Variants in AFDN observed in about 807,000 individuals in gnomAD.
AFDN encodes the protein afadin.
Under a neutral mutation model 216.6 loss-of-function variants are expected in AFDN, and 68 were observed. The ratio of observed to expected loss-of-function variants is 0.31; its 90% CI spans 0.26 to 0.38. The LOEUF (loss-of-function observed/expected upper bound fraction) is 0.38, where lower values mean the gene tolerates loss of function less well. Ranked by LOEUF, AFDN falls within the 10% of genes least tolerant of loss-of-function variation. AFDN has a pLI of 1.00. For synonymous variants in AFDN, 868 were observed against 853.7 expected, an observed-to-expected ratio of 1.02 and a Z score of -0.29; for missense variants, 2,136 against 2,342.0, an observed-to-expected ratio of 0.91 and a Z score of 1.82.
chr6:167,959,063 C>T (rs962278147), intron 30 of AFDN, among the ~76,000 whole-genome samples: 37 of 152,212 alleles, frequency 2.4e-4, no homozygotes, highest in African/African-American at 8.4e-4. Context: ...TGTATGATTG[C>T]GTAAAACAGT....
rs1795012072 is a variant in AFDN, at chr6:167,944,192, C to CT, written c.3358+135dup. ...GAGAAAGAAATTGAGGATGAGAGCG[C>CT]TTCAGCATAGTGCCTGGGATTCCCA... On this transcript the variant is annotated intron_variant, in intron 26 of 33. Coordinates refer to ENST00000683244, the MANE Select transcript of AFDN (RefSeq NM_001386888.1). The CT allele has an allele frequency of 1.2e-5, 8 of 674,946 alleles. No individual in the cohort carries two copies. In the East Asian group the frequency reaches 2.2e-4, roughly 19 times the overall value. 41.8% of individuals were successfully genotyped at this position (674,946 alleles called of 1,614,324 possible).
intron 2 of AFDN, among the ~76,000 whole-genome samples, chr6:167,866,103 C>G (rs924094910): frequency 2.0e-5 from 3 of 152,148 alleles, no homozygotes; most frequent in African/African-American, 7.2e-5. Flanking sequence ...AATAAAATCT[C>G]TCTCACTTCC....
At chr6:167,942,615 T>C (rs2128626534) in intron 23 of AFDN, among the ~76,000 whole-genome samples, 1 of 152,336 alleles carries the variant, frequency 6.6e-6, no homozygotes, top group South Asian at 2.1e-4. Flanking sequence ...AATTGGGTCT[T>C]GTTGCTTTGA....
chr6:167,898,720 T>C (rs1053025446), intron 11 of AFDN, among the ~76,000 whole-genome samples: 2 of 152,254 alleles, frequency 1.3e-5, no homozygotes, highest in African/African-American at 4.8e-5. Flanking sequence ...TTTTAGCCAG[T>C]ATACTAAAAC....
intron 6 of AFDN, among the ~76,000 whole-genome samples, chr6:167,888,909 T>C (rs1485205420): frequency 6.6e-6 from 1 of 152,158 alleles, no homozygotes; most frequent in Non-Finnish European, 1.5e-5. Context: ...TACACAGAAG[T>C]TAACCATTAC....
intron 1 of AFDN, among the ~76,000 whole-genome samples, chr6:167,828,149 C>T (rs569951473): frequency 2.0e-4 from 31 of 152,254 alleles, no homozygotes; most frequent in African/African-American, 7.0e-4. Context: ...AAATTTCACT[C>T]AATATTTGTG....
Position 167,970,773 on chromosome 6 carries a change from A to T in AFDN, c.*838A>T, listed in dbSNP as rs905934021. ...CGCTCCAAGGCGTCTGTAAAAGAAG[A>T]TATCTTTATTGGAGCAATGTTCATG... On this transcript the variant is annotated 3_prime_UTR_variant, in exon 34 of 34. Transcript: ENST00000683244. The T allele has an allele frequency of 4.6e-6, 1 of 219,226 alleles. No individual in the cohort carries two copies. The highest frequency in any genetic ancestry group is 9.1e-6 in the Non-Finnish European group (1 of 109,354). 13.6% of individuals were successfully genotyped at this position (219,226 alleles called of 1,614,324 possible).
Position 167,911,445 on chromosome 6 carries a change from G to T in AFDN, c.1993G>T (p.Ala665Ser), listed in dbSNP as rs1379026103. The change falls in exon 15 of 34, where the codon GCA becomes TCA. Residue 665 changes from alanine to serine, a missense_variant. Ala to Ser is a moderately conservative substitution (Grantham distance 99). Transcript: ENST00000683244. ...SPTERTHKVI[A>S]VVNKMVSMME... is the part of the protein sequence containing the mutation. ...TACAGAGCGCACACATAAAGTCATTGCAGTCGTCAACAAGATGGTGAGCAT... is the reference window on the plus strand; with the variant it reads ...TACAGAGCGCACACATAAAGTCATTTCAGTCGTCAACAAGATGGTGAGCAT... 3 of 1,614,006 alleles carry T rather than the reference G, an allele frequency of 1.9e-6. No individual in the cohort carries two copies. In the Admixed American group the frequency reaches 5.0e-5, roughly 27 times the overall value.
intron 1 of AFDN, among the ~76,000 whole-genome samples, chr6:167,854,087 C>A (rs1782618995): frequency 6.6e-6 from 1 of 151,882 alleles, no homozygotes; most frequent in South Asian, 2.1e-4. Flanking sequence ...CCCCTTCAGC[C>A]CCACAAAAAG....
At chr6:167,865,452 A>T (rs1032101144) in intron 2 of AFDN, among the ~76,000 whole-genome samples, 4 of 147,558 alleles carry the variant, frequency 2.7e-5, no homozygotes, top group East Asian at 2.0e-4. Flanking sequence ...ACAAAAAAAT[A>T]AAAAAAAAAA....
chr6:167,925,370 G>A (rs763058847), intron 23 of AFDN, among the ~76,000 whole-genome samples: 1 of 152,210 alleles, frequency 6.6e-6, no homozygotes, highest in African/African-American at 2.4e-5. Flanking sequence ...TAAAGGCATA[G>A]TCAAAACTTG....
chr6:167,827,132 C>T lies in AFDN; in HGVS notation c.-1C>T. 1 of 1,284,450 alleles carries T rather than the reference C, an allele frequency of 7.8e-7. No individual in the cohort carries two copies. Among genetic ancestry groups the T allele is most frequent in the Non-Finnish European group, 1.0e-6 (1 of 985,958 alleles). 79.6% of individuals were successfully genotyped at this position (1,284,450 alleles called of 1,614,324 possible). ...GCGGCTGAGGAGGCGCGGCCAGGAC[C>T]ATGTCGGCGGGCGGCCGTGACGAGG... On this transcript the variant is annotated 5_prime_UTR_variant, in exon 1 of 34. Coordinates refer to ENST00000683244, the MANE Select transcript of AFDN (RefSeq NM_001386888.1).
intron 1 of AFDN, among the ~76,000 whole-genome samples, chr6:167,855,191 T>A (rs1015975059): frequency 3.3e-5 from 5 of 152,090 alleles, no homozygotes; most frequent in Non-Finnish European, 7.4e-5. Context: ...TGACATGGAA[T>A]TCATAAATTA....
At chr6:167,944,305 G>A (rs528747520) in intron 26 of AFDN, among the ~76,000 whole-genome samples, 1 of 152,262 alleles carries the variant, frequency 6.6e-6, no homozygotes, top group East Asian at 1.9e-4. Context: ...CCCCCACAGG[G>A]CTGGTTGACT....
chr6:167,842,226 C>G (rs1367809601), intron 1 of AFDN, among the ~76,000 whole-genome samples: 1 of 152,076 alleles, frequency 6.6e-6, no homozygotes, highest in Non-Finnish European at 1.5e-5. Context: ...CACTGTGGGA[C>G]CATAAAAGGC....
chr6:167,832,248 G>A lies in AFDN; in HGVS notation c.105+5011G>A, dbSNP rs146524538. On this transcript the variant is annotated intron_variant, in intron 1 of 33. Transcript: ENST00000683244. ...TCTGGGCATGTCGGAGTTGGCTAAC[G>A]CTGATGTGCTGATAGGGCCTGAAAA... is the stretch of plus-strand genomic sequence containing the variant. Among the ~76,000 whole-genome samples the A allele has an allele frequency of 7.5e-3, 1,137 of 152,282 alleles. 17 individuals are homozygous for A. Among genetic ancestry groups the A allele is most frequent in the African/African-American group, 0.026 (1,082 of 41,550 alleles).
intron 6 of AFDN, among the ~76,000 whole-genome samples, chr6:167,887,148 A>C (rs1786947249): frequency 6.6e-6 from 1 of 152,004 alleles, no homozygotes; most frequent in South Asian, 2.1e-4. Context: ...ATAAAATTGC[A>C]TCTGATAAAC....
At chr6:167,827,404 G>A (rs1475571746) in intron 1 of AFDN, among the ~76,000 whole-genome samples, 167 bp downstream of exon 1, 1 of 133,602 alleles carries the variant, frequency 7.5e-6, no homozygotes, top group Non-Finnish European at 1.6e-5. Flanking sequence ...GGGCCCCGGC[G>A]TCCCCCGCAG....
Position 167,939,032 on chromosome 6 carries a change from A to G in AFDN, c.3100-4097A>G, listed in dbSNP as rs116174563. Among the ~76,000 whole-genome samples, 879 of 152,276 alleles carry G rather than the reference A, an allele frequency of 5.8e-3. 16 individuals are homozygous for G. The highest frequency in any genetic ancestry group is 0.02 in the African/African-American group (847 of 41,540). ...TTTGTTATTACAGTTTGTCTAAGTA[A>G]CTGTCATTTTTTTGGTCTGTATTAA... On this transcript the variant is annotated intron_variant, in intron 23 of 33. Coordinates refer to ENST00000683244, the MANE Select transcript of AFDN (RefSeq NM_001386888.1).
Sources: gnomAD v4.1 joint callset for allele counts (sites outside exome capture counted in the v4.1 genomes callset) on GRCh38, gnomAD v4.1.1 for gene constraint, MANE v1.5 for transcripts, NCBI Gene and HGNC (gene_info 2026-07-23, HGNC 2026-07-21) for gene names.